Variants in NEK6 observed in about 807,000 individuals in gnomAD.
The protein encoded by NEK6 is NIMA related kinase 6, also known as serine/threonine-protein kinase Nek6.
NEK6 carries 27 observed loss-of-function variants against 43.5 expected under a neutral mutation model. That is an observed-to-expected ratio of 0.62 (90% CI 0.46 to 0.86). The LOEUF (loss-of-function observed/expected upper bound fraction) is 0.86, where lower values mean the gene tolerates loss of function less well. Among genes scored for constraint, NEK6 ranks in the 40% least tolerant of loss-of-function variants. The probability of loss-of-function intolerance (pLI) is 0.00; values close to 1 mark genes in which losing one functional copy is unlikely to be tolerated. For synonymous variants in NEK6, 167 were observed against 164.1 expected (o/e 1.02, Z -0.14); for missense variants, 318 against 414.4 (o/e 0.77, Z 2.02).
At chr9:124,308,970 C>T (rs556009114) in intron 2 of NEK6, among the ~76,000 whole-genome samples, 4 of 152,364 alleles carry the variant, frequency 2.6e-5, no homozygotes, top group East Asian at 3.9e-4. Flanking sequence ...GGCGACGGAG[C>T]AGCCAGGCCT....
Position 124,275,463 on chromosome 9 carries a change from C to T in NEK6, c.-30+17378C>T, listed in dbSNP as rs1046083533. 2.6e-5 allele frequency among the ~76,000 whole-genome samples: 4 copies of T among 152,326 alleles called. No homozygotes were observed. The highest frequency in any genetic ancestry group is 6.5e-5 in the Admixed American group (1 of 15,310). The stretch of plus-strand genomic sequence containing the variant: ...AGTGTCAGCTCCAGCTGCCTGCCCC[C>T]GCCTGCCGGGCCCTGTCCTCTGCCA... On this transcript the variant is annotated intron_variant, in intron 1 of 9. Coordinates refer to ENST00000320246, the MANE Select transcript of NEK6 (RefSeq NM_014397.6). The surrounding 1 kb of genome is among the most constrained non-coding windows in gnomAD (Gnocchi z 4.4).
intron 4 of NEK6, among the ~76,000 whole-genome samples, chr9:124,316,727 G>T (rs1243685210): frequency 6.6e-6 from 1 of 152,216 alleles, no homozygotes; most frequent in Non-Finnish European, 1.5e-5. Context: ...GACGTCTGGA[G>T]CCCCTTTCTG....
intron 7 of NEK6, among the ~76,000 whole-genome samples, chr9:124,332,525 A>G (rs1172445678): frequency 6.6e-6 from 1 of 152,160 alleles, no homozygotes; most frequent in Non-Finnish European, 1.5e-5. Context: ...TTCAGTGCCA[A>G]GGCACAGCCC....
chr9:124,328,659 G>A (rs753557169), intron 7 of NEK6, among the ~76,000 whole-genome samples: 11 of 152,226 alleles, frequency 7.2e-5, no homozygotes, highest in African/African-American at 1.2e-4. Context: ...TTGTCTGGGC[G>A]GAGGCACTTT....
chr9:124,269,803 G>A (rs1564614038), intron 1 of NEK6, among the ~76,000 whole-genome samples: 1 of 152,136 alleles, frequency 6.6e-6, no homozygotes, highest in Non-Finnish European at 1.5e-5. Context: ...TCTCTTTGTT[G>A]TTGGTTTTGC....
intron 1 of NEK6, chr9:124,292,745 T>C (rs1832484659): frequency 1.7e-6 from 2 of 1,194,094 alleles, no homozygotes; most frequent in Non-Finnish European, 2.3e-6. Flanking sequence ...CAGGTGTTTC[T>C]GTACTGAGTC....
At chr9:124,270,762 C>T (rs534758288) in intron 1 of NEK6, among the ~76,000 whole-genome samples, 1 of 152,360 alleles carries the variant, frequency 6.6e-6, no homozygotes, top group Non-Finnish European at 1.5e-5. Flanking sequence ...AATACCCGTC[C>T]TGGGGAGGCA....
intron 1 of NEK6, chr9:124,292,930 G>T: frequency 3.2e-6 from 5 of 1,551,988 alleles, no homozygotes; most frequent in Non-Finnish European, 4.4e-6. Context: ...CAGGAAGGCT[G>T]CCTGGAGGAG....
Position 124,297,062 on chromosome 9 carries a change from C to T in NEK6, c.-29-4874C>T, listed in dbSNP as rs760009471. ...GCTTTGCAGAGGCAGCCACGGCTCA[C>T]GTAGATGATGAAGACGTTTGCTCCA... On this transcript the variant is annotated intron_variant, in intron 1 of 9. Transcript: ENST00000320246. Among the ~76,000 whole-genome samples the T allele has an allele frequency of 3.3e-5, 5 of 152,304 alleles. 1 individual carries two copies. Among genetic ancestry groups the T allele is most frequent in the South Asian group, 4.1e-4 (2 of 4,830 alleles).
In NEK6 at chr9:124,326,255, G is replaced by A. The variant is rs1834330511; in HGVS notation, c.406-75G>A. The A allele has an allele frequency of 1.3e-6, 1 of 765,028 alleles. No individual in the cohort carries two copies. Among genetic ancestry groups the A allele is most frequent in the Non-Finnish European group, 2.2e-6 (1 of 456,336 alleles). 47.4% of individuals were successfully genotyped at this position (765,028 alleles called of 1,614,324 possible). On this transcript the variant is annotated intron_variant, in intron 5 of 9. Coordinates refer to ENST00000320246, the MANE Select transcript of NEK6 (RefSeq NM_014397.6). This position sits in a 1 kb window ranked among gnomAD's most constrained non-coding sequence, Gnocchi z 4.5. ...AGTTACCCACTGGGGAAAGGACAGAGGCAGTGCCCTGTGGCCACCCACCTC... is the reference window on the plus strand; with the variant it reads ...AGTTACCCACTGGGGAAAGGACAGAAGCAGTGCCCTGTGGCCACCCACCTC...
chr9:124,264,906 T>TGAGC (rs777265095), intron 1 of NEK6, among the ~76,000 whole-genome samples: 3 of 150,116 alleles, frequency 2.0e-5, no homozygotes, highest in Non-Finnish European at 4.4e-5. Flanking sequence ...ATGAGGAACG[T>TGAGC]GAGCTCCGGG....
intron 2 of NEK6, among the ~76,000 whole-genome samples, chr9:124,302,566 C>G (rs1184207742): frequency 6.6e-6 from 1 of 152,272 alleles, no homozygotes; most frequent in Non-Finnish European, 1.5e-5. Context: ...CTCGCTCTCT[C>G]TAGATACCTT....
chr9:124,338,596 C>T (rs1169772497), intron 7 of NEK6, among the ~76,000 whole-genome samples: 1 of 152,164 alleles, frequency 6.6e-6, no homozygotes, highest in Non-Finnish European at 1.5e-5. Context: ...TGGTTAGTGC[C>T]TTTTCCATCC....
At chr9:124,320,301 G>T (rs1834002811) in intron 4 of NEK6, among the ~76,000 whole-genome samples, 1 of 152,322 alleles carries the variant, frequency 6.6e-6, no homozygotes, top group Middle Eastern at 3.4e-3. Flanking sequence ...GGGGCCAGTG[G>T]CTGAGCCTGC....
At chr9:124,293,620 T>C (rs966130676) in intron 1 of NEK6, among the ~76,000 whole-genome samples, 1 of 152,218 alleles carries the variant, frequency 6.6e-6, no homozygotes, top group Non-Finnish European at 1.5e-5. Flanking sequence ...CTCCAGTGAC[T>C]TTTGTCTGAT....
chr9:124,275,756 C>G lies in NEK6; in HGVS notation c.-30+17671C>G, dbSNP rs1212888931. ...GTGCTCAGCCCAGGGCCTGGCCTGG[C>G]AAAGGCCTCGGTGACGGTAATGAGG... On this transcript the variant is annotated intron_variant, in intron 1 of 9. Transcript: ENST00000320246. The surrounding 1 kb of genome is among the most constrained non-coding windows in gnomAD (Gnocchi z 4.4). Among the ~76,000 whole-genome samples the G allele has an allele frequency of 1.3e-5, 2 of 152,260 alleles. No individual in the cohort carries two copies. Among genetic ancestry groups the G allele is most frequent in the Non-Finnish European group, 2.9e-5 (2 of 68,046 alleles).
chr9:124,285,675 T>C (rs1832125308), intron 1 of NEK6, among the ~76,000 whole-genome samples: 1 of 152,062 alleles, frequency 6.6e-6, no homozygotes, highest in Admixed American at 6.6e-5. Context: ...AAGCCGCAGA[T>C]GCAAAGCCTG....
At chr9:124,306,270 C>T (rs1337505463) in intron 2 of NEK6, among the ~76,000 whole-genome samples, 3 of 152,034 alleles carry the variant, frequency 2.0e-5, no homozygotes, top group Admixed American at 6.5e-5. Flanking sequence ...GCTTGTGAGT[C>T]GTCGGAGCTG....
chr9:124,257,716 C>T (rs1471177941), upstream of NEK6: 2 of 1,532,972 alleles, frequency 1.3e-6, no homozygotes, highest in Non-Finnish European at 1.7e-6. Context: ...CGCCGGCCTG[C>T]GCCCTGTGAG....
Sources: gnomAD v4.1 joint callset for allele counts (sites outside exome capture counted in the v4.1 genomes callset) on GRCh38, gnomAD v4.1.1 for gene constraint, Gnocchi (gnomAD v3.1) non-coding constraint, MANE v1.5 for transcripts, NCBI Gene and HGNC (gene_info 2026-07-23, HGNC 2026-07-21) for gene names.